HSPG2: variants seen among roughly 807,000 people sequenced by gnomAD.
HSPG2 encodes the protein heparan sulfate proteoglycan 2, also known as basement membrane-specific heparan sulfate proteoglycan core protein.
In HSPG2, 278 loss-of-function variants were observed where a neutral mutation model predicts 526.6. The ratio of observed to expected loss-of-function variants is 0.53; its 90% CI spans 0.48 to 0.58. The LOEUF (loss-of-function observed/expected upper bound fraction) is 0.58, where lower values mean the gene tolerates loss of function less well. HSPG2 is among the 20% of genes least tolerant of loss of function. The probability of loss-of-function intolerance (pLI) is 0.00; values close to 1 mark genes in which losing one functional copy is unlikely to be tolerated. For missense variants in HSPG2, 5,354 were observed against 6,099.5 expected, an observed-to-expected ratio of 0.88 and a Z score of 4.07; for synonymous variants, 2,465 against 2,555.4, an observed-to-expected ratio of 0.96 and a Z score of 1.07.
rs1212295279 is a variant in HSPG2 at position 21,895,114 on chromosome 1, G to A, written c.244+808C>T. Among the ~76,000 whole-genome samples the A allele has an allele frequency of 7.9e-6, 1 of 126,218 alleles. No homozygotes were observed. The highest frequency in any genetic ancestry group is 2.6e-5 in the African/African-American group (1 of 38,658). The allele number at this position is 126,218 out of a possible 152,430, so 82.8% of individuals were successfully genotyped here. A position where few individuals can be genotyped will look rare whatever the true frequency, so the allele number is the denominator to read the frequency against. ...TGGCCAAGGCCTGCCTAGGGTGAAGGCAGCCCTGGATGCCACGGGATGGCC... is the reference window on the plus strand; with the variant it reads ...TGGCCAAGGCCTGCCTAGGGTGAAGACAGCCCTGGATGCCACGGGATGGCC... On this transcript the variant is annotated intron_variant, in intron 3 of 96. Transcript: ENST00000374695. This position sits in a 1 kb window ranked among gnomAD's most constrained non-coding sequence, Gnocchi z 4.1.
chr1:21,839,579 G>A lies in HSPG2; in HGVS notation c.9710-29C>T. On this transcript the variant is annotated intron_variant, in intron 72 of 96. Coordinates refer to ENST00000374695, the MANE Select transcript of HSPG2 (RefSeq NM_005529.7). The surrounding 1 kb of genome is among the most constrained non-coding windows in gnomAD (Gnocchi z 4.5). The stretch of plus-strand genomic sequence containing the variant: ...TGGAGTCGAGTGGAAGATGACAGAA[G>A]TCACTGGGCTACCTCAGGGACCCGC... The A allele has an allele frequency of 1.2e-6, 2 of 1,612,000 alleles. No individual in the cohort carries two copies. Among genetic ancestry groups the A allele is most frequent in the Non-Finnish European group, 8.5e-7 (1 of 1,179,074 alleles).
At chr1:21,869,142 G>C (rs1640460986) in intron 33 of HSPG2, among the ~76,000 whole-genome samples, 1 of 152,158 alleles carries the variant, frequency 6.6e-6, no homozygotes, top group Non-Finnish European at 1.5e-5. Context: ...CTCTTTGGAC[G>C]ACTTTCTTCC....
intron 1 of HSPG2, among the ~76,000 whole-genome samples, chr1:21,922,643 G>T (rs996526572): frequency 6.6e-6 from 1 of 152,142 alleles, no homozygotes; most frequent in East Asian, 1.9e-4. Context: ...GTGGAGGTGT[G>T]GGGGGAAGGA....
At position 21,898,086 on chromosome 1, in the gene HSPG2, C is replaced by G. The variant is rs78648629; in HGVS notation, c.64-1776G>C. On this transcript the variant is annotated intron_variant, in intron 1 of 96. Transcript: ENST00000374695. This position sits in a 1 kb window ranked among gnomAD's most constrained non-coding sequence, Gnocchi z 4.0. ...ATACTTGAATGAATGAATAAATGAA[C>G]GGACAAAAACGGAATTCATCACCTA... Among the ~76,000 whole-genome samples, 1 of 152,140 alleles carries G rather than the reference C, an allele frequency of 6.6e-6. No homozygotes were observed. The highest frequency in any genetic ancestry group is 1.5e-5 in the Non-Finnish European group (1 of 68,028).
chr1:21,937,086 G>A lies in HSPG2; in HGVS notation c.63+69C>T, dbSNP rs1159539127. 7.4e-6 allele frequency: 4 copies of A among 538,008 alleles called. No homozygotes were observed. The East Asian group carries it at 4.1e-4, about 55-fold the overall frequency. 33.3% of individuals were successfully genotyped at this position (538,008 alleles called of 1,614,324 possible). On this transcript the variant is annotated intron_variant, in intron 1 of 96. Coordinates refer to ENST00000374695, the MANE Select transcript of HSPG2 (RefSeq NM_005529.7). ...CGCCCCAGCCAAGTTGGCGGGAGGC[G>A]GCGAGCGGGACCGGGGCGCCCCTAG...
chr1:21,873,448 T>C (rs1460676350), intron 29 of HSPG2, 24 bp from the exon 30 acceptor site: 2 of 1,613,440 alleles, frequency 1.2e-6, no homozygotes. Flanking sequence ...AAGCCTCTGA[T>C]GAATTTTGGA....
chr1:21,885,147 C>G lies in HSPG2; in HGVS notation c.1221G>C (p.Gln407His), dbSNP rs1641789754. 1.2e-6 allele frequency: 2 copies of G among 1,608,860 alleles called. No individual in the cohort carries two copies. The highest frequency in any genetic ancestry group is 1.1e-5 in the South Asian group (1 of 90,712). Residue 407 changes from glutamine to histidine, a missense_variant, in exon 11 of 97, where the codon CAG (glutamine) becomes CAC (histidine). Physicochemically the swap from Gln to His is conservative, Grantham distance 24. Transcript: ENST00000374695. ...TGGACTCCCGGGGAGGTGTCACCAC[C>G]TGGGGGGGCACTGAGGAGACCAGGG... ...RSDEFGCMPP[Q>H]VVTPPRESIQ...
chr1:21,862,683 C>G (rs907161517), intron 37 of HSPG2, among the ~76,000 whole-genome samples: 2 of 151,664 alleles, frequency 1.3e-5, no homozygotes, highest in African/African-American at 4.8e-5. Context: ...ATCCAAATAG[C>G]TGTCAAAAAG....
Position 21,850,515 on chromosome 1 carries a change from T to C in HSPG2, c.7159-17A>G, listed in dbSNP as rs756595261. 6.3e-7 allele frequency: 1 copy of C among 1,597,946 alleles called. No homozygotes were observed. The highest frequency in any genetic ancestry group is 1.1e-5 in the South Asian group (1 of 89,308). On this transcript the variant is annotated splice_polypyrimidine_tract_variant and intron_variant, in intron 55 of 96. Transcript: ENST00000374695. ...GCCGTGGGTCTGGCCAGAATGGGGGTGAGTCAGAGGGAGCCCTCAGGAGAC... is the reference window on the plus strand; with the variant it reads ...GCCGTGGGTCTGGCCAGAATGGGGGCGAGTCAGAGGGAGCCCTCAGGAGAC...
chr1:21,861,797 T>C lies in HSPG2; in HGVS notation c.4915A>G (p.Thr1639Ala). Reference protein sequence around the residue: ...ESLGAGGYRCTACEPGYTGQY... With the variant: ...ESLGAGGYRCAACEPGYTGQY... Reference sequence around the variant, plus strand: ...CCAGTGTAGCCGGGTTCGCAGGCCGTGCAGCGGTACCCGCCGGCTCCCAGG... The same window carrying C: ...CCAGTGTAGCCGGGTTCGCAGGCCGCGCAGCGGTACCCGCCGGCTCCCAGG... Residue 1639 changes from threonine (T) to alanine (A), a missense_variant, in exon 39 of 97, where the codon ACG (threonine) becomes GCG (alanine). Coordinates refer to ENST00000374695, the MANE Select transcript of HSPG2 (RefSeq NM_005529.7). The C allele has an allele frequency of 6.2e-7, 1 of 1,613,908 alleles. No individual in the cohort carries two copies. The highest frequency in any genetic ancestry group is 8.5e-7 in the Non-Finnish European group (1 of 1,180,018).
chr1:21,827,035 C>T lies in HSPG2; in HGVS notation c.12589+828G>A, dbSNP rs541546248. Among the ~76,000 whole-genome samples, 4 of 152,042 alleles carry T rather than the reference C, an allele frequency of 2.6e-5. No individual in the cohort carries two copies. In the South Asian group the frequency reaches 8.3e-4, roughly 32 times the overall value. On this transcript the variant is annotated intron_variant, in intron 91 of 96. Transcript: ENST00000374695. ...CAGGCCTGGCCAACATGGTGAAACC[C>T]CATCCCTACAAAAAATACAAAAATT...
chr1:21,832,451 C>G (rs1475044084), intron 81 of HSPG2, 44 bp downstream of exon 81: 5 of 1,502,258 alleles, frequency 3.3e-6, no homozygotes, highest in Non-Finnish European at 4.6e-6. Context: ...AGACCAAAGC[C>G]CTGTGTCCAG....
At position 21,937,299 on chromosome 1, in the gene HSPG2, G is replaced by T; in HGVS notation, c.-82C>A. The T allele has an allele frequency of 5.5e-6, 2 of 366,138 alleles. No individual in the cohort carries two copies. The highest frequency in any genetic ancestry group is 7.2e-6 in the Non-Finnish European group (2 of 277,836). 22.7% of individuals were successfully genotyped at this position (366,138 alleles called of 1,614,324 possible). On this transcript the variant is annotated 5_prime_UTR_variant, in exon 1 of 97. The change creates a new upstream start codon in the 5' untranslated region. Transcript: ENST00000374695. Reference sequence around the variant, plus strand: ...CCCGCAGCCGCCCGCTCGCCGGCCAGCTCGGGACAGCGCGGCCCTCTCCCC... The same window carrying T: ...CCCGCAGCCGCCCGCTCGCCGGCCATCTCGGGACAGCGCGGCCCTCTCCCC...
At position 21,831,767 on chromosome 1, in the gene HSPG2, A is replaced by G; in HGVS notation, c.11237T>C (p.Ile3746Thr). 1 of 1,602,992 alleles carries G rather than the reference A, an allele frequency of 6.2e-7. No homozygotes were observed. Among genetic ancestry groups the G allele is most frequent in the Non-Finnish European group, 8.5e-7 (1 of 1,172,356 alleles). The change falls in exon 82 of 97, where the codon ATC becomes ACC. Residue 3746 changes from isoleucine to threonine, a missense_variant. Transcript: ENST00000374695. ...CAGGGCCAGTGGTGTGGGATGGCGG[A>G]TGGTGGCCATGCCTGAGCCTGCATC... ...RFDAGSGMAT[I>T]RHPTPLALGH...
At chr1:21,825,823 T>C (rs2097971634) in intron 91 of HSPG2, among the ~76,000 whole-genome samples, 1 of 152,232 alleles carries the variant, frequency 6.6e-6, no homozygotes, top group African/African-American at 2.4e-5. Flanking sequence ...TCTCGCTCCG[T>C]GGCCCAGGCT....
At chr1:21,873,771 C>T (rs1640836526) in intron 29 of HSPG2, among the ~76,000 whole-genome samples, 154 bp downstream of exon 29, 2 of 152,078 alleles carry the variant, frequency 1.3e-5, no homozygotes, top group African/African-American at 2.4e-5. Context: ...TTGAGTCTCC[C>T]GAGGAGGGGA....
At chr1:21,849,348 G>T (rs1023316626) in intron 57 of HSPG2, among the ~76,000 whole-genome samples, 3 of 152,172 alleles carry the variant, frequency 2.0e-5, no homozygotes, top group Admixed American at 6.5e-5. Context: ...GACCCCCAAG[G>T]CCTGGCCATC....
chr1:21,873,103 G>A lies in HSPG2; in HGVS notation c.3794-12C>T. 1 of 1,596,922 alleles carries A rather than the reference G, an allele frequency of 6.3e-7. No homozygotes were observed. The highest frequency in any genetic ancestry group is 8.5e-7 in the Non-Finnish European group (1 of 1,177,122). ...CACCTGGCTGTCTCCTGAGGTGGAA[G>A]AAAGCCATGGCTGGAGCCCCAAACC... On this transcript the variant is annotated splice_polypyrimidine_tract_variant and intron_variant, in intron 30 of 96. Coordinates refer to ENST00000374695, the MANE Select transcript of HSPG2 (RefSeq NM_005529.7).
intron 78 of HSPG2, 97 bp downstream of exon 78, chr1:21,833,719 T>C (rs2098014574): frequency 6.4e-7 from 1 of 1,568,436 alleles, no homozygotes; most frequent in African/African-American, 1.4e-5. Flanking sequence ...GCGTTTGCTC[T>C]TGGCCAAGCC....
Sources: gnomAD v4.1 joint callset for allele counts (sites outside exome capture counted in the v4.1 genomes callset) on GRCh38, gnomAD v4.1.1 for gene constraint, Gnocchi (gnomAD v3.1) non-coding constraint, MANE v1.5 for transcripts, NCBI Gene and HGNC (gene_info 2026-07-23, HGNC 2026-07-21) for gene names.